The following NEK10 variants were observed in gnomAD, a reference collection of about 807,000 sequenced individuals.
The protein encoded by NEK10 is NIMA related kinase 10.
In NEK10, 122 loss-of-function variants were observed where a neutral mutation model predicts 159.8. The ratio of observed to expected loss-of-function variants is 0.76; its 90% CI spans 0.66 to 0.89. The LOEUF is 0.89. Among genes scored for constraint, NEK10 ranks in the 40% least tolerant of loss-of-function variants. The pLI is 0.00. For missense variants in NEK10, 1,342 were observed against 1,323.1 expected (o/e 1.01, Z -0.22); for synonymous variants, 466 against 457.1 (o/e 1.02, Z -0.25).
At position 27,254,295 on chromosome 3, in the gene NEK10, G is replaced by A. The variant is rs567270798; in HGVS notation, c.2090+2001C>T. Among the ~76,000 whole-genome samples, 6 of 152,080 alleles carry A rather than the reference G, an allele frequency of 3.9e-5. No individual in the cohort carries two copies. In the East Asian group the frequency reaches 5.8e-4, roughly 15 times the overall value. On this transcript the variant is annotated intron_variant, in intron 23 of 35. Coordinates refer to ENST00000691995, the MANE Select transcript of NEK10 (RefSeq NM_001394966.1). Reference sequence around the variant, plus strand: ...TGTAGCCCAGAGAAGCCAAAAGATTGGACACCCCTGCTTTACACTATATCC... The same window carrying A: ...TGTAGCCCAGAGAAGCCAAAAGATTAGACACCCCTGCTTTACACTATATCC...
chr3:27,277,628 G>A (rs1014471496), intron 22 of NEK10, among the ~76,000 whole-genome samples: 1 of 152,116 alleles, frequency 6.6e-6, no homozygotes, highest in African/African-American at 2.4e-5. Context: ...CTATGCCTCT[G>A]CATTAACTGC....
intron 31 of NEK10, among the ~76,000 whole-genome samples, chr3:27,137,338 C>T (rs1161185082): frequency 6.6e-6 from 1 of 151,752 alleles, no homozygotes; most frequent in African/African-American, 2.4e-5. Flanking sequence ...CTTTGAAATC[C>T]AATAAGAAAA....
chr3:27,138,745 G>C (rs576043922), intron 31 of NEK10, among the ~76,000 whole-genome samples: 1 of 152,276 alleles, frequency 6.6e-6, no homozygotes, highest in South Asian at 2.1e-4. Context: ...AGTTTTGTTT[G>C]TTCCTTTGCT....
In NEK10 at chr3:27,106,583, A is replaced by G. The variant is rs1939016623; in HGVS notation, c.*4689T>C. ...AATGGCACTTGAAATGCAGAGCTAAATCATGGGTTAAGAATATCATTTTGT... is the reference window on the plus strand; with the variant it reads ...AATGGCACTTGAAATGCAGAGCTAAGTCATGGGTTAAGAATATCATTTTGT... On this transcript the variant is annotated 3_prime_UTR_variant, in exon 36 of 36. Transcript: ENST00000691995. Among the ~76,000 whole-genome samples the G allele has an allele frequency of 6.6e-6, 1 of 152,258 alleles. No homozygotes were observed. The highest frequency in any genetic ancestry group is 1.5e-5 in the Non-Finnish European group (1 of 68,046).
chr3:27,344,806 T>C (rs539808521), intron 4 of NEK10, among the ~76,000 whole-genome samples: 1 of 152,298 alleles, frequency 6.6e-6, no homozygotes, highest in East Asian at 1.9e-4. Flanking sequence ...TGGCTGATCT[T>C]GCTATCAACA....
chr3:27,201,515 G>A lies in NEK10; in HGVS notation c.2286C>T (p.Ile762=), dbSNP rs553645611. 1.5e-5 allele frequency: 25 copies of A among 1,613,624 alleles called. No homozygotes were observed. In the Admixed American group the frequency reaches 4.2e-4, roughly 27 times the overall value. ...GAAGCCGCAAGACTAATTACCTGCT[G>A]ATGGTGTCTGTTACTTTTTCAGAGT... ...GIYSEKVTDT[I]SRCLTPDAEA... is the part of the protein sequence containing the mutation. The change falls in exon 25 of 36, where the codon ATC becomes ATT. Residue 762 remains isoleucine (I), a synonymous_variant. Transcript: ENST00000691995.
chr3:27,269,010 A>C (rs910461442), intron 22 of NEK10, among the ~76,000 whole-genome samples: 1 of 152,240 alleles, frequency 6.6e-6, no homozygotes, highest in East Asian at 1.9e-4. Flanking sequence ...GAAGAAACTC[A>C]CTGCAGATGT....
At chr3:27,215,343 A>G (rs1434507579) in intron 23 of NEK10, among the ~76,000 whole-genome samples, 1 of 152,210 alleles carries the variant, frequency 6.6e-6, no homozygotes, top group Non-Finnish European at 1.5e-5. Flanking sequence ...AAACTATTTT[A>G]GCAATGGACC....
chr3:27,154,455 G>C (rs1945205511), intron 30 of NEK10, among the ~76,000 whole-genome samples: 1 of 152,124 alleles, frequency 6.6e-6, no homozygotes, highest in Non-Finnish European at 1.5e-5. Context: ...TATGACGCCA[G>C]CATCGCCCTA....
At chr3:27,339,086 C>T (rs1447677113) in intron 5 of NEK10, among the ~76,000 whole-genome samples, 2 of 152,110 alleles carry the variant, frequency 1.3e-5, no homozygotes, top group Non-Finnish European at 2.9e-5. Flanking sequence ...ACTCAAACAG[C>T]TCAATAGCAA....
intron 29 of NEK10, among the ~76,000 whole-genome samples, chr3:27,171,181 G>T (rs957464306): frequency 2.6e-5 from 4 of 152,182 alleles, no homozygotes; most frequent in African/African-American, 4.8e-5. Flanking sequence ...TTTTGTTTCA[G>T]TCCCTACTCT....
chr3:27,312,307 GCTCCTGGAA>G, intron 7 of NEK10, 130 bp from the exon 8 acceptor site: 1 of 528,900 alleles, frequency 1.9e-6, no homozygotes, highest in Non-Finnish European at 3.3e-6. Context: ...ATACTCTCAT[GCTCCTGGAA>G]CAGTTATCGC....
chr3:27,231,958 G>A (rs1293646402), intron 23 of NEK10, among the ~76,000 whole-genome samples: 2 of 151,792 alleles, frequency 1.3e-5, no homozygotes, highest in East Asian at 3.9e-4. Context: ...AAGATAGAGA[G>A]AGAGGGAATC....
intron 12 of NEK10, among the ~76,000 whole-genome samples, chr3:27,303,392 C>A (rs981100215): frequency 2.0e-5 from 3 of 152,006 alleles, no homozygotes; most frequent in Admixed American, 1.3e-4. Context: ...AAGAGGGCAA[C>A]CCATACCTAT....
At chr3:27,237,269 A>C (rs935014949) in intron 23 of NEK10, among the ~76,000 whole-genome samples, 1 of 152,148 alleles carries the variant, frequency 6.6e-6, no homozygotes, top group African/African-American at 2.4e-5. Context: ...CATGTTTTAC[A>C]ATCAGTTTGT....
chr3:27,295,970 TGA>T (rs762012064), intron 14 of NEK10, among the ~76,000 whole-genome samples: 112 of 152,222 alleles, frequency 7.4e-4, no homozygotes, highest in Non-Finnish European at 1.2e-3. Context: ...TTAAAAACAA[TGA>T]GAGATTAAAA....
Position 27,348,413 on chromosome 3 carries a change from T to C in NEK10, c.133-2197A>G, listed in dbSNP as rs1294478005. Among the ~76,000 whole-genome samples, 7 of 152,180 alleles carry C rather than the reference T, an allele frequency of 4.6e-5. No individual in the cohort carries two copies. In the East Asian group the frequency reaches 1.2e-3, roughly 25 times the overall value. On this transcript the variant is annotated intron_variant, in intron 3 of 35. Transcript: ENST00000691995. Reference sequence around the variant, plus strand: ...ACTCATGGAAAACGGGTGGATAAGATGGATTTGGCATCGATAGTTGCAAAG... The same window carrying C: ...ACTCATGGAAAACGGGTGGATAAGACGGATTTGGCATCGATAGTTGCAAAG...
chr3:27,234,739 T>C (rs973287215), intron 23 of NEK10, among the ~76,000 whole-genome samples: 17 of 152,130 alleles, frequency 1.1e-4, no homozygotes, highest in African/African-American at 3.4e-4. Flanking sequence ...TAATTTGACG[T>C]CCTTCACAGA....
In NEK10 at chr3:27,131,877, T is replaced by C. The variant is rs1334570687; in HGVS notation, c.3081+3A>G. 3 of 1,513,314 alleles carry C rather than the reference T, an allele frequency of 2.0e-6. No homozygotes were observed. Among genetic ancestry groups the C allele is most frequent in the Non-Finnish European group, 2.7e-6 (3 of 1,091,276 alleles). 93.7% of individuals were successfully genotyped at this position (1,513,314 alleles called of 1,614,324 possible). A position where few individuals can be genotyped will look rare whatever the true frequency, so the allele number is the denominator to read the frequency against. On this transcript the variant is annotated splice_donor_region_variant and intron_variant, in intron 32 of 35. Transcript: ENST00000691995. ...AAGAATTCCTATATATAGAATACCA[T>C]ACCTTTTTAATTTCAGATTTCAAAT...
Sources: allele counts gnomAD v4.1 joint callset (sites outside exome capture counted in the v4.1 genomes callset), GRCh38; gene constraint gnomAD v4.1.1; transcripts MANE v1.5; gene names NCBI Gene and HGNC (gene_info 2026-07-23, HGNC 2026-07-21).